The following GAS2 variants were observed in gnomAD, a reference collection of about 807,000 sequenced individuals.
GAS2 encodes growth arrest-specific protein 2.
GAS2 carries 20 observed loss-of-function variants against 37.5 expected under a neutral mutation model. The observed-to-expected ratio is 0.53, with a 90% CI of 0.37 to 0.77. GAS2 has a LOEUF of 0.77. GAS2 is among the 30% of genes least tolerant of loss of function. The probability of loss-of-function intolerance (pLI) is 0.00; values close to 1 mark genes in which losing one functional copy is unlikely to be tolerated. For missense variants in GAS2, 336 were observed against 373.4 expected (o/e 0.90, Z 0.82); for synonymous variants, 144 against 132.2 (o/e 1.09, Z -0.61).
chr11:22,778,403 A>G (rs868714031), intron 7 of GAS2, among the ~76,000 whole-genome samples: 2 of 152,240 alleles, frequency 1.3e-5, no homozygotes, highest in African/African-American at 4.8e-5. Context: ...GTAAGCAAAT[A>G]TACAGGTAAT....
At position 22,644,746 on chromosome 11, in the gene GAS2, C is replaced by T. The variant is rs1283754225; in HGVS notation, c.-21+18933C>T. Among the ~76,000 whole-genome samples, 4 of 152,084 alleles carry T rather than the reference C, an allele frequency of 2.6e-5. No homozygotes were observed. The South Asian group carries it at 6.2e-4, about 24-fold the overall frequency. ...AAATGATTCTCATGCTTCATCCTGCCAAGTATCTGGGACTATAGGCATGCA... is the reference window on the plus strand; with the variant it reads ...AAATGATTCTCATGCTTCATCCTGCTAAGTATCTGGGACTATAGGCATGCA... On this transcript the variant is annotated intron_variant, in intron 1 of 5. Coordinates refer to the GAS2 transcript ENST00000528582.
At chr11:22,628,396 A>T (rs1858692031) in intron 1 of GAS2, among the ~76,000 whole-genome samples, 1 of 152,198 alleles carries the variant, frequency 6.6e-6, no homozygotes, top group Non-Finnish European at 1.5e-5. Flanking sequence ...AATATAAGGT[A>T]AAATATATGA....
rs1025158516 is a variant in GAS2, at chr11:22,666,636, G to A, written c.-284G>A. ...AGCATTTTACTTCCGCTCGGTCTAT[G>A]AGGACTGATGAAATGTAGGAAATCT... On this transcript the variant is annotated 5_prime_UTR_variant, in exon 1 of 8. An upstream start codon of the reference 5' UTR is lost. Coordinates refer to ENST00000454584, the MANE Select transcript of GAS2 (RefSeq NM_001143830.3). 5.9e-5 allele frequency: 9 copies of A among 152,364 alleles called. 1 individual carries two copies. Among genetic ancestry groups the A allele is most frequent in the South Asian group, 2.1e-4 (1 of 4,834 alleles). The allele number at this position is 152,364 out of a possible 1,614,324, so 9.4% of individuals were successfully genotyped here. A position where few individuals can be genotyped will look rare whatever the true frequency, so the allele number is the denominator to read the frequency against.
intron 1 of GAS2, among the ~76,000 whole-genome samples, chr11:22,671,527 T>G (rs1849200102): frequency 6.6e-6 from 1 of 152,246 alleles, no homozygotes; most frequent in African/African-American, 2.4e-5. Flanking sequence ...CTCCCTAACC[T>G]ACTGCTTTCT....
chr11:22,740,730 A>G (rs559000005), intron 5 of GAS2, among the ~76,000 whole-genome samples: 10 of 152,198 alleles, frequency 6.6e-5, no homozygotes, highest in Admixed American at 1.3e-4. Context: ...AATTTCTCTT[A>G]ATCTAATTTT....
rs990388014 is a variant in GAS2 at position 22,783,187 on chromosome 11, G to A, written c.723+27234G>A. On this transcript the variant is annotated intron_variant, in intron 7 of 7. Transcript: ENST00000454584. The stretch of plus-strand genomic sequence containing the variant: ...TTGTGGCTTTGATTTGTATTTCTCT[G>A]ATGATTAGTGATGATGAGCATTTTT... 5.9e-5 allele frequency among the ~76,000 whole-genome samples: 9 copies of A among 151,596 alleles called. No individual in the cohort carries two copies. The South Asian group carries it at 1.5e-3, about 25-fold the overall frequency.
At chr11:22,705,736 T>A (rs776176653) in intron 3 of GAS2, among the ~76,000 whole-genome samples, 1 of 152,212 alleles carries the variant, frequency 6.6e-6, no homozygotes, top group Non-Finnish European at 1.5e-5. Context: ...ACATGCTTCA[T>A]GCCTTTGTGG....
chr11:22,662,786 G>C (rs947111399), upstream of GAS2, among the ~76,000 whole-genome samples: 11 of 152,120 alleles, frequency 7.2e-5, no homozygotes, highest in African/African-American at 2.7e-4. Flanking sequence ...TTGGAGGGTT[G>C]GGGTAGGGCA....
chr11:22,734,642 T>A (rs1852655930), intron 4 of GAS2, among the ~76,000 whole-genome samples: 1 of 151,786 alleles, frequency 6.6e-6, no homozygotes, highest in African/African-American at 2.4e-5. Context: ...TTATTTTCTA[T>A]GTGCCAAGTA....
At chr11:22,714,348 C>T (rs932030923) in intron 3 of GAS2, among the ~76,000 whole-genome samples, 1 of 151,998 alleles carries the variant, frequency 6.6e-6, no homozygotes, top group Non-Finnish European at 1.5e-5. Flanking sequence ...ACATATGCAC[C>T]TAACATGGGA....
chr11:22,664,029 G>A (rs2133848456), upstream of GAS2, among the ~76,000 whole-genome samples: 1 of 152,222 alleles, frequency 6.6e-6, no homozygotes. Context: ...ACCATTGCAT[G>A]TCTTCATACT....
chr11:22,702,940 CTTTTT>C (rs1850921661), intron 3 of GAS2, among the ~76,000 whole-genome samples: 1 of 152,082 alleles, frequency 6.6e-6, no homozygotes, highest in African/African-American at 2.4e-5. Flanking sequence ...CAAAATTGTT[CTTTTT>C]GTCTGTGAGC....
At chr11:22,730,978 A>G (rs1373013885) in intron 4 of GAS2, among the ~76,000 whole-genome samples, 1 of 151,848 alleles carries the variant, frequency 6.6e-6, no homozygotes. Flanking sequence ...ATTTAAATTA[A>G]GATCAGAAAT....
chr11:22,655,266 A>G (rs957184897), intron 1 of GAS2, among the ~76,000 whole-genome samples: 1 of 152,134 alleles, frequency 6.6e-6, no homozygotes, highest in African/African-American at 2.4e-5. Flanking sequence ...CTCCCATGGA[A>G]TGTCATCTCT....
At chr11:22,697,060 G>A (rs11026737) in intron 3 of GAS2, among the ~76,000 whole-genome samples, 2,709 of 151,908 alleles carry the variant, frequency 0.018, 50 homozygotes, top group Admixed American at 0.062. Flanking sequence ...TTTCTTCTAG[G>A]GTTTTTATGG....
intron 2 of GAS2, among the ~76,000 whole-genome samples, chr11:22,676,852 T>G (rs762514326): frequency 5.3e-5 from 8 of 152,178 alleles, no homozygotes; most frequent in South Asian, 4.1e-4. Flanking sequence ...ACTGGGCAAG[T>G]GTCTTATTGC....
chr11:22,649,803 T>A (rs1475308242), intron 1 of GAS2, among the ~76,000 whole-genome samples: 1 of 152,074 alleles, frequency 6.6e-6, no homozygotes, highest in South Asian at 2.1e-4. Flanking sequence ...TTGATTCTTC[T>A]CTCTTTTTTT....
At chr11:22,707,336 A>G (rs1851177495) in intron 3 of GAS2, among the ~76,000 whole-genome samples, 1 of 152,162 alleles carries the variant, frequency 6.6e-6, no homozygotes, top group South Asian at 2.1e-4. Context: ...CACACCTTTC[A>G]TTTCTGCTCA....
upstream of GAS2, among the ~76,000 whole-genome samples, chr11:22,661,965 T>C (rs1848921768): frequency 6.6e-6 from 1 of 152,138 alleles, no homozygotes; most frequent in South Asian, 2.1e-4. Context: ...AGTAGAAAAA[T>C]ATCAGAGTGC....
Sources: allele counts gnomAD v4.1 joint callset (sites outside exome capture counted in the v4.1 genomes callset), GRCh38; gene constraint gnomAD v4.1.1; transcripts MANE v1.5; gene names NCBI Gene and HGNC (gene_info 2026-07-23, HGNC 2026-07-21).